SLC4A7: variants seen among roughly 807,000 people sequenced by gnomAD.
SLC4A7 encodes solute carrier family 4 member 7.
SLC4A7 carries 51 observed loss-of-function variants against 137.6 expected under a neutral mutation model. The observed-to-expected ratio is 0.37, with a 90% CI of 0.30 to 0.47. The LOEUF (loss-of-function observed/expected upper bound fraction) is 0.47, where lower values mean the gene tolerates loss of function less well. Among genes scored for constraint, SLC4A7 ranks in the 20% least tolerant of loss-of-function variants. The probability of loss-of-function intolerance (pLI) is 1.00; values close to 1 mark genes in which losing one functional copy is unlikely to be tolerated. For synonymous variants in SLC4A7, 542 were observed against 518.6 expected, an observed-to-expected ratio of 1.05 and a Z score of -0.61; for missense variants, 1,247 against 1,525.4, an observed-to-expected ratio of 0.82 and a Z score of 3.04.
At chr3:27,395,570 C>T (rs895210593) in intron 18 of SLC4A7, among the ~76,000 whole-genome samples, 1 of 152,204 alleles carries the variant, frequency 6.6e-6, no homozygotes, top group South Asian at 2.1e-4. Flanking sequence ...TAGTGGGTGT[C>T]GGGGGCGGTT....
At chr3:27,378,266 A>C (rs17019716) in intron 25 of SLC4A7, among the ~76,000 whole-genome samples, 9,724 of 152,242 alleles carry the variant, frequency 0.064, 1,034 homozygotes, top group African/African-American at 0.22. Flanking sequence ...AGAAAAAGCT[A>C]ATCAATTATT....
intron 3 of SLC4A7, among the ~76,000 whole-genome samples, chr3:27,443,026 TTTTTTC>T (rs1358475116): frequency 8.9e-5 from 11 of 123,030 alleles, no homozygotes; most frequent in East Asian, 4.6e-4. Flanking sequence ...TCTTTTTTCT[TTTTTTC>T]TTTTTTTTTT....
chr3:27,401,345 T>G (rs938896285), intron 15 of SLC4A7, among the ~76,000 whole-genome samples: 2 of 152,088 alleles, frequency 1.3e-5, no homozygotes, highest in African/African-American at 4.8e-5. Context: ...CTTAAAGAAA[T>G]AAATAAAAAA....
chr3:27,431,726 G>A, intron 6 of SLC4A7, 57 bp from the exon 7 acceptor site: 2 of 1,447,192 alleles, frequency 1.4e-6, no homozygotes, highest in Non-Finnish European at 1.8e-6. Flanking sequence ...GGCAAATAGA[G>A]ACATTTAAAA....
Position 27,375,958 on chromosome 3 carries a change from T to G in SLC4A7, c.*806A>C, listed in dbSNP as rs1362718692. 3.3e-5 allele frequency: 5 copies of G among 151,964 alleles called. No homozygotes were observed. The highest frequency in any genetic ancestry group is 4.8e-5 in the African/African-American group (2 of 41,416). The allele number at this position is 151,964 out of a possible 1,614,324, so 9.4% of individuals were successfully genotyped here. ...AAGAGAGACAAGGCAGAGAACAGAGTGGGAATCATTGGCTTTAAAAGAGCA... is the reference window on the plus strand; with the variant it reads ...AAGAGAGACAAGGCAGAGAACAGAGGGGGAATCATTGGCTTTAAAAGAGCA... On this transcript the variant is annotated 3_prime_UTR_variant, in exon 26 of 26. Coordinates refer to ENST00000454389, the MANE Select transcript of SLC4A7 (RefSeq NM_001321103.2).
At chr3:27,422,617 A>G (rs530465410) in intron 8 of SLC4A7, among the ~76,000 whole-genome samples, 110 of 152,340 alleles carry the variant, frequency 7.2e-4, no homozygotes, top group South Asian at 6.2e-3. Context: ...TGGCACAGAT[A>G]TATGATAATG....
At chr3:27,452,592 G>A in intron 1 of SLC4A7, 94 bp from the exon 2 acceptor site, 1 of 653,302 alleles carries the variant, frequency 1.5e-6, no homozygotes, top group Non-Finnish European at 2.5e-6. Context: ...ATATAAAACA[G>A]ACTGCTTTCT....
rs748011867 is a variant in SLC4A7, at chr3:27,431,567, A to G, written c.881T>C (p.Leu294Pro). ...GGTTCCAGCTCTTGAAGAAGGAAGA[A>G]GATGACCAAGAAGAAGAGATAAAGG... ...ESPLSLLLGHLLPSSRAGTPA... is the reference protein window; with the variant it reads ...ESPLSLLLGHPLPSSRAGTPA... Residue 294 changes from leucine (L) to proline (P), a missense_variant, in exon 7 of 26, where the codon CTT (leucine) becomes CCT (proline). By Grantham distance (98) the Leu-to-Pro change is moderately conservative. Coordinates refer to ENST00000454389, the MANE Select transcript of SLC4A7 (RefSeq NM_001321103.2). 1.2e-6 allele frequency: 2 copies of G among 1,614,154 alleles called. No homozygotes were observed. The highest frequency in any genetic ancestry group is 1.7e-6 in the Non-Finnish European group (2 of 1,180,008).
rs770132652 is a variant in SLC4A7, at chr3:27,411,718, C to T, written c.1690G>A (p.Gly564Arg). The change falls in exon 12 of 26, where the codon GGA becomes AGA. Residue 564 changes from glycine (G) to arginine (R), a missense_variant. By Grantham distance (125) the Gly-to-Arg change is moderately radical. Around this residue, in one of 6 missense-constraint regions of SLC4A7, gnomAD observed 499 missense variants for 664.2 expected, o/e 0.75. Transcript: ENST00000454389. ...EKRKIPVFHN[G>R]STPTLGETPK... ...GTCTCACCCAGTGTGGGGGTAGATC[C>T]ATTGTGAAACACAGGAATCTTTCTC... 5.2e-6 allele frequency: 8 copies of T among 1,547,124 alleles called. No homozygotes were observed. The highest frequency in any genetic ancestry group is 7.0e-6 in the Non-Finnish European group (8 of 1,144,350).
chr3:27,429,240 T>C (rs865969451), intron 7 of SLC4A7, among the ~76,000 whole-genome samples: 17 of 151,824 alleles, frequency 1.1e-4, no homozygotes, highest in Middle Eastern at 3.2e-3. Flanking sequence ...CACTCCAGCC[T>C]GGCGACAAAG....
chr3:27,466,226 C>T (rs1009684826), intron 1 of SLC4A7, among the ~76,000 whole-genome samples: 2 of 150,874 alleles, frequency 1.3e-5, no homozygotes, highest in African/African-American at 2.4e-5. Flanking sequence ...CCGAGGCGGG[C>T]GGATCACGAG....
At chr3:27,480,808 TAC>T in intron 1 of SLC4A7, among the ~76,000 whole-genome samples, 1 of 152,246 alleles carries the variant, frequency 6.6e-6, no homozygotes, top group African/African-American at 2.4e-5. Flanking sequence ...TTTAATTTCT[TAC>T]AGACTGATGA....
chr3:27,471,884 T>A (rs2059262393), intron 1 of SLC4A7, among the ~76,000 whole-genome samples: 1 of 152,228 alleles, frequency 6.6e-6, no homozygotes, highest in African/African-American at 2.4e-5. Context: ...CCATGCTCAT[T>A]TTTTACACTT....
At chr3:27,379,012 T>A (rs763592957) in intron 25 of SLC4A7, among the ~76,000 whole-genome samples, 1 of 152,218 alleles carries the variant, frequency 6.6e-6, no homozygotes, top group Non-Finnish European at 1.5e-5. Flanking sequence ...TGACCTCAGA[T>A]GATCTGCCCG....
intron 23 of SLC4A7, 85 bp downstream of exon 23, chr3:27,385,807 G>A (rs749542736): frequency 3.1e-5 from 28 of 899,458 alleles, no homozygotes; most frequent in Non-Finnish European, 4.5e-5. Context: ...ACTGATTCAT[G>A]TAAAGTGATT....
chr3:27,478,529 A>C (rs1158681881), intron 1 of SLC4A7, among the ~76,000 whole-genome samples: 2 of 151,584 alleles, frequency 1.3e-5, no homozygotes, highest in Non-Finnish European at 2.9e-5. Context: ...AAAAAAAAAA[A>C]ACCCAACAAC....
intron 11 of SLC4A7, among the ~76,000 whole-genome samples, chr3:27,414,441 A>C (rs1326182629): frequency 2.0e-5 from 3 of 152,148 alleles, no homozygotes; most frequent in Admixed American, 1.3e-4. Flanking sequence ...TCGAACATAT[A>C]TTTGGCATGT....
At chr3:27,384,550 T>G (rs556782856) in intron 23 of SLC4A7, among the ~76,000 whole-genome samples, 1 of 152,344 alleles carries the variant, frequency 6.6e-6, no homozygotes, top group African/African-American at 2.4e-5. Flanking sequence ...AGGCCACTTT[T>G]ACTTTTGTTT....
intron 22 of SLC4A7, among the ~76,000 whole-genome samples, chr3:27,389,491 G>C (rs556805038): frequency 2.5e-4 from 38 of 152,064 alleles, no homozygotes; most frequent in Non-Finnish European, 5.0e-4. Context: ...GCAATATTCT[G>C]TGATAATTTA....
Sources: gnomAD v4.1 joint callset for allele counts (sites outside exome capture counted in the v4.1 genomes callset) on GRCh38, gnomAD v4.1.1 for gene constraint, gnomAD v4.1.1 regional missense constraint, MANE v1.5 for transcripts, NCBI Gene and HGNC (gene_info 2026-07-23, HGNC 2026-07-21) for gene names.